RNF24: variants seen among roughly 807,000 people sequenced by gnomAD.
RNF24 encodes the protein ring finger protein 24.
Under a neutral mutation model 20.0 loss-of-function variants are expected in RNF24, and 14 were observed. The ratio of observed to expected loss-of-function variants is 0.70; its 90% CI spans 0.46 to 1.10. The LOEUF is 1.10. Among genes scored for constraint, RNF24 ranks in the 50% least tolerant of loss-of-function variants. RNF24 has a pLI of 0.00. For synonymous variants in RNF24, 45 were observed against 61.1 expected, an observed-to-expected ratio of 0.74 and a Z score of 1.23; for missense variants, 124 against 177.6, an observed-to-expected ratio of 0.70 and a Z score of 1.71.
chr20:3,979,324 C>A (rs1319195471), intron 1 of RNF24, among the ~76,000 whole-genome samples: 2 of 151,862 alleles, frequency 1.3e-5, no homozygotes, highest in African/African-American at 4.8e-5. Context: ...ATTAACTCAA[C>A]AATAAAAAGA....
chr20:3,954,182 G>C (rs1250476569), intron 2 of RNF24, among the ~76,000 whole-genome samples: 1 of 152,116 alleles, frequency 6.6e-6, no homozygotes, highest in Non-Finnish European at 1.5e-5. Context: ...GCTATCTCTA[G>C]TTTCAAAATT....
At chr20:3,946,293 C>G (rs901754542) in intron 3 of RNF24, among the ~76,000 whole-genome samples, 1 of 151,996 alleles carries the variant, frequency 6.6e-6, no homozygotes, top group Non-Finnish European at 1.5e-5. Context: ...ATGGCAAAAC[C>G]CTGTCTCTAC....
intron 1 of RNF24, among the ~76,000 whole-genome samples, chr20:3,977,174 C>T (rs1163545519): frequency 6.6e-6 from 1 of 152,098 alleles, no homozygotes; most frequent in Non-Finnish European, 1.5e-5. Flanking sequence ...TATATAGGTA[C>T]GTAATCATTC....
At chr20:3,983,039 C>T (rs1034568366) in intron 1 of RNF24, among the ~76,000 whole-genome samples, 7 of 152,152 alleles carry the variant, frequency 4.6e-5, no homozygotes. Flanking sequence ...TGTCTTTCCC[C>T]TTCTGCAATG....
intron 1 of RNF24, among the ~76,000 whole-genome samples, chr20:4,012,799 C>T (rs1982566870): frequency 6.6e-6 from 1 of 152,162 alleles, no homozygotes; most frequent in Non-Finnish European, 1.5e-5. Flanking sequence ...AGCTAAGTCA[C>T]TCTTGCAAAA....
intron 1 of RNF24, among the ~76,000 whole-genome samples, chr20:3,992,632 G>C (rs1980545807): frequency 6.6e-6 from 1 of 151,930 alleles, no homozygotes; most frequent in African/African-American, 2.4e-5. Flanking sequence ...CTACAAGGTT[G>C]TAAGTCTCGT....
chr20:3,980,616 T>C (rs769288789), intron 1 of RNF24, among the ~76,000 whole-genome samples: 4 of 152,134 alleles, frequency 2.6e-5, no homozygotes, highest in Non-Finnish European at 5.9e-5. Context: ...CGAACTACTG[T>C]AAACTGATTC....
chr20:4,008,748 T>C (rs1982192029), intron 1 of RNF24, among the ~76,000 whole-genome samples: 1 of 150,972 alleles, frequency 6.6e-6, no homozygotes, highest in East Asian at 1.9e-4. Context: ...GGTTTCACCA[T>C]CTTGGCCAGG....
At chr20:4,006,259 C>T (rs367921436) in intron 1 of RNF24, among the ~76,000 whole-genome samples, 9 of 151,878 alleles carry the variant, frequency 5.9e-5, no homozygotes, top group African/African-American at 1.9e-4. Flanking sequence ...ATCCTAGCTA[C>T]TTGGGAGGCT....
chr20:3,948,099 A>G, intron 3 of RNF24, 138 bp downstream of exon 3: 1 of 646,716 alleles, frequency 1.5e-6, no homozygotes, highest in East Asian at 3.0e-5. Context: ...TTGATATATT[A>G]TACTGCAAAT....
At chr20:3,952,948 G>T (rs1236662393) in intron 2 of RNF24, among the ~76,000 whole-genome samples, 1 of 151,972 alleles carries the variant, frequency 6.6e-6, no homozygotes, top group Admixed American at 6.6e-5. Context: ...GAAAAGGATC[G>T]GTCTATAATT....
At chr20:3,993,980 CAG>C (rs1980665745) in intron 1 of RNF24, among the ~76,000 whole-genome samples, 1 of 152,146 alleles carries the variant, frequency 6.6e-6, no homozygotes, top group African/African-American at 2.4e-5. Context: ...AACTAAAATA[CAG>C]ACTTTATGCA....
chr20:3,962,354 AAAT>A (rs1055535060), intron 2 of RNF24, among the ~76,000 whole-genome samples: 2 of 152,132 alleles, frequency 1.3e-5, no homozygotes, highest in African/African-American at 4.8e-5. Flanking sequence ...AACCCATCTC[AAAT>A]AATAATAATA....
At chr20:3,963,255 C>T (rs969186355) in intron 2 of RNF24, among the ~76,000 whole-genome samples, 9 of 152,162 alleles carry the variant, frequency 5.9e-5, no homozygotes, top group African/African-American at 1.2e-4. Flanking sequence ...TGCAATGGCA[C>T]GATCTTGGCT....
intron 1 of RNF24, among the ~76,000 whole-genome samples, chr20:3,987,563 T>G (rs996051871): frequency 2.0e-5 from 3 of 152,210 alleles, no homozygotes; most frequent in African/African-American, 7.2e-5. Context: ...TCAGAGCCAA[T>G]TTTTAGTCTA....
At chr20:3,978,563 T>A (rs938375186) in intron 1 of RNF24, among the ~76,000 whole-genome samples, 2 of 152,114 alleles carry the variant, frequency 1.3e-5, no homozygotes, top group Non-Finnish European at 2.9e-5. Context: ...AAGAACAATA[T>A]TCAGCTTTAT....
chr20:3,958,107 C>T (rs558640962), intron 2 of RNF24, among the ~76,000 whole-genome samples: 141 of 152,300 alleles, frequency 9.3e-4, no homozygotes, highest in African/African-American at 3.2e-3. Flanking sequence ...TTCTCACTCC[C>T]AGCTCCACAT....
intron 3 of RNF24, among the ~76,000 whole-genome samples, chr20:3,945,688 C>G (rs1378230568): frequency 6.8e-6 from 1 of 146,422 alleles, no homozygotes; most frequent in South Asian, 2.1e-4. Flanking sequence ...GCACTCTAGC[C>G]TGGGCAACAA....
At chr20:3,947,922 T>C (rs2091038270) in intron 3 of RNF24, among the ~76,000 whole-genome samples, 1 of 152,036 alleles carries the variant, frequency 6.6e-6, no homozygotes, top group African/African-American at 2.4e-5. Context: ...GGCGCATGCC[T>C]GTAATCCCAG....
Sources: allele counts gnomAD v4.1 joint callset (sites outside exome capture counted in the v4.1 genomes callset), GRCh38; gene constraint gnomAD v4.1.1; transcripts MANE v1.5; gene names NCBI Gene and HGNC (gene_info 2026-07-23, HGNC 2026-07-21).